PRKACB: variants seen among roughly 807,000 people sequenced by gnomAD.
The protein encoded by PRKACB is cAMP-dependent protein kinase catalytic subunit beta.
Under a neutral mutation model 51.4 loss-of-function variants are expected in PRKACB, and 16 were observed. That is an observed-to-expected ratio of 0.31 (90% confidence interval 0.21 to 0.47). PRKACB has a LOEUF of 0.47. PRKACB is among the 20% of genes least tolerant of loss of function. The pLI, the probability that PRKACB is intolerant of heterozygous loss-of-function variation, is 1.00. For synonymous variants in PRKACB, 147 were observed against 154.4 expected (o/e 0.95, Z 0.35); for missense variants, 309 against 464.5 (o/e 0.67, Z 3.08).
rs201374795 is a variant in PRKACB, at chr1:84,226,051, C to T, written c.1072-9129C>T. On this transcript the variant is annotated intron_variant, in intron 9 of 9. Coordinates refer to ENST00000370685, the MANE Select transcript of PRKACB (RefSeq NM_182948.4). The stretch of plus-strand genomic sequence containing the variant: ...GGAGTTCTTTTTGTCTGTTCTTGTA[C>T]TGTATATGTCACTGCTTTATGTAGC... 2.4e-4 allele frequency among the ~76,000 whole-genome samples: 36 copies of T among 152,244 alleles called. No individual in the cohort carries two copies. In the East Asian group the frequency reaches 5.4e-3, roughly 23 times the overall value.
chr1:84,103,244 G>A lies in PRKACB; in HGVS notation c.46+24873G>A, dbSNP rs181002260. 1.5e-3 allele frequency among the ~76,000 whole-genome samples: 231 copies of A among 152,164 alleles called. 2 individuals carry two copies. The highest frequency in any genetic ancestry group is 0.011 in the Admixed American group (166 of 15,282). On this transcript the variant is annotated intron_variant, in intron 1 of 8. Coordinates refer to the PRKACB transcript ENST00000370688. ...ATATTTCTTCATTCCACTGAATCTG[G>A]GCTGGGTTTCTCATTGCTTTAACCA...
chr1:84,157,995 T>G (rs1655714899), intron 1 of PRKACB, among the ~76,000 whole-genome samples: 1 of 152,180 alleles, frequency 6.6e-6, no homozygotes, highest in East Asian at 1.9e-4. Context: ...GGTACCATTT[T>G]ATGTTTTCAC....
chr1:84,176,710 GAAGT>G (rs1661406403), intron 1 of PRKACB, among the ~76,000 whole-genome samples: 1 of 151,542 alleles, frequency 6.6e-6, no homozygotes, highest in Non-Finnish European at 1.5e-5. Flanking sequence ...TTTATATTTT[GAAGT>G]AATTCACAAA....
At chr1:84,086,209 C>G in intron 1 of PRKACB, 1 of 1,596,266 alleles carries the variant, frequency 6.3e-7, no homozygotes, top group Non-Finnish European at 8.6e-7. Context: ...AGCTGGAGGC[C>G]TTCCTGAAGA....
chr1:84,228,862 A>G (rs562896286), intron 9 of PRKACB, among the ~76,000 whole-genome samples: 15 of 152,324 alleles, frequency 9.8e-5, no homozygotes, highest in African/African-American at 3.4e-4. Flanking sequence ...ACTAAAAATT[A>G]AGACTGAAGT....
chr1:84,130,898 CTT>C (rs1442043036), intron 1 of PRKACB, among the ~76,000 whole-genome samples: 2 of 152,086 alleles, frequency 1.3e-5, no homozygotes, highest in African/African-American at 4.8e-5. Context: ...TTTTTCTCCT[CTT>C]AAGTTCATTA....
intron 9 of PRKACB, among the ~76,000 whole-genome samples, chr1:84,229,886 T>G (rs1216765038): frequency 1.3e-5 from 2 of 152,284 alleles, no homozygotes; most frequent in South Asian, 4.1e-4. Context: ...GTAGGTTGCC[T>G]GTTCACTCTG....
At chr1:84,172,049 TA>T in intron 1 of PRKACB, among the ~76,000 whole-genome samples, 1 of 151,770 alleles carries the variant, frequency 6.6e-6, no homozygotes, top group East Asian at 1.9e-4. Context: ...CATGATTTTT[TA>T]TACTCATTAG....
intron 1 of PRKACB, among the ~76,000 whole-genome samples, chr1:84,100,137 CATCTTCTT>C (rs1202953161): frequency 6.6e-6 from 1 of 152,166 alleles, no homozygotes; most frequent in Non-Finnish European, 1.5e-5. Flanking sequence ...GGAAAGCAGA[CATCTTCTT>C]CACAAGGTGA....
At chr1:84,175,371 CTT>C (rs1185096671) in intron 1 of PRKACB, among the ~76,000 whole-genome samples, 3 of 151,564 alleles carry the variant, frequency 2.0e-5, no homozygotes, top group Admixed American at 1.3e-4. Context: ...TTTATAAACT[CTT>C]AATACAAAAT....
At chr1:84,110,513 T>C (rs1235307705) in intron 1 of PRKACB, among the ~76,000 whole-genome samples, 1 of 151,870 alleles carries the variant, frequency 6.6e-6, no homozygotes, top group Non-Finnish European at 1.5e-5. Flanking sequence ...ACTTTTTAAT[T>C]AGTAGGGTAA....
At chr1:84,199,832 G>GTTTA (rs3051183) in intron 7 of PRKACB, among the ~76,000 whole-genome samples, 69,112 of 149,364 alleles carry the variant, frequency 0.46, 16,941 homozygotes, top group Non-Finnish European at 0.56. Context: ...TTGACTATTT[G>GTTTA]TTTATTTATT....
At chr1:84,105,542 CATTTATTTATTTATTT>C (rs66546945) in intron 1 of PRKACB, among the ~76,000 whole-genome samples, 1,538 of 145,610 alleles carry the variant, frequency 0.011, 28 homozygotes, top group African/African-American at 0.034. Flanking sequence ...CCACTGTTAG[CATTTATTTATTTATTT>C]ATTTATTTAT....
chr1:84,216,271 T>C (rs1377878815), intron 9 of PRKACB, among the ~76,000 whole-genome samples: 4 of 151,978 alleles, frequency 2.6e-5, no homozygotes, highest in Non-Finnish European at 5.9e-5. Context: ...CCTGGGAGAT[T>C]GGGGCTACGG....
chr1:84,129,301 A>G (rs1332979179), intron 1 of PRKACB, among the ~76,000 whole-genome samples: 2 of 152,128 alleles, frequency 1.3e-5, no homozygotes, highest in African/African-American at 4.8e-5. Flanking sequence ...GTTCAAGGAT[A>G]AAAAACATGG....
At chr1:84,091,933 G>A (rs1415327398) in intron 1 of PRKACB, among the ~76,000 whole-genome samples, 1 of 152,162 alleles carries the variant, frequency 6.6e-6, no homozygotes, top group Non-Finnish European at 1.5e-5. Context: ...AGTGATATCT[G>A]TAACAATAAC....
intron 8 of PRKACB, 28 bp from the exon 9 acceptor site, chr1:84,214,125 T>C: frequency 6.4e-7 from 1 of 1,573,690 alleles, no homozygotes; most frequent in Non-Finnish European, 8.6e-7. Context: ...TTAGAATGTG[T>C]GTTTTACCAA....
intron 1 of PRKACB, chr1:84,086,093 C>A: frequency 7.1e-7 from 1 of 1,417,112 alleles, no homozygotes; most frequent in Non-Finnish European, 1.0e-6. Context: ...TATTGATGAC[C>A]ACACAGACCT....
chr1:84,165,725 G>A (rs1657225184), intron 1 of PRKACB, among the ~76,000 whole-genome samples: 1 of 151,540 alleles, frequency 6.6e-6, no homozygotes, highest in African/African-American at 2.4e-5. Flanking sequence ...TTTATCATAG[G>A]GTAAAAGCTG....
Sources: allele counts gnomAD v4.1 joint callset (sites outside exome capture counted in the v4.1 genomes callset), GRCh38; gene constraint gnomAD v4.1.1; transcripts MANE v1.5; gene names NCBI Gene and HGNC (gene_info 2026-07-23, HGNC 2026-07-21).